Variants in SLC6A6 observed in about 807,000 individuals in gnomAD.
SLC6A6 encodes solute carrier family 6 member 6, also known as sodium- and chloride-dependent taurine transporter.
SLC6A6 carries 16 observed loss-of-function variants against 68.8 expected under a neutral mutation model. The observed-to-expected ratio is 0.23, with a 90% CI of 0.16 to 0.35. SLC6A6 has a LOEUF of 0.35. Among genes scored for constraint, SLC6A6 ranks in the 10% least tolerant of loss-of-function variants. The pLI is 1.00. For synonymous variants in SLC6A6, 312 were observed against 315.4 expected (o/e 0.99, Z 0.12); for missense variants, 474 against 802.8 (o/e 0.59, Z 4.95).
Position 14,478,528 on chromosome 3 carries a change from G to T in SLC6A6, c.1410G>T (p.Trp470Cys), listed in dbSNP as rs201130139. ...YYAASGVCLLWVAFFECFVIA... is the reference protein window; with the variant it reads ...YYAASGVCLLCVAFFECFVIA... ...CAGCTAGCGGTGTATGCCTTTTGTG[G>T]GTTGCATTCTTTGAATGTTTTGTTA... The change falls in exon 12 of 15, where the codon TGG becomes TGT. Residue 470 changes from tryptophan to cysteine, a missense_variant. By Grantham distance (215) the Trp-to-Cys change is radical (BLOSUM62 -2). Around this residue, in one of 2 missense-constraint regions of SLC6A6, gnomAD observed 194 missense variants for 269.8 expected, o/e 0.72. Transcript: ENST00000622186. 137 of 1,613,034 alleles carry T rather than the reference G, an allele frequency of 8.5e-5. No individual in the cohort carries two copies. Among genetic ancestry groups the T allele is most frequent in the Non-Finnish European group, 7.6e-6 (9 of 1,179,254 alleles).
intron 2 of SLC6A6, among the ~76,000 whole-genome samples, chr3:14,431,589 C>T (rs1162762629): frequency 6.6e-6 from 1 of 152,136 alleles, no homozygotes; most frequent in African/African-American, 2.4e-5. Context: ...GCTTCAGGAA[C>T]CCCTGGGGAT....
At chr3:14,476,463 A>G (rs1257962357) in intron 10 of SLC6A6, among the ~76,000 whole-genome samples, 1 of 152,234 alleles carries the variant, frequency 6.6e-6, no homozygotes, top group African/African-American at 2.4e-5. Flanking sequence ...TTTTCCAACC[A>G]GCTTCTTTTC....
At chr3:14,459,883 C>CTTTTTTT (rs869191764) in intron 6 of SLC6A6, among the ~76,000 whole-genome samples, 87 of 40,102 alleles carry the variant, frequency 2.2e-3, no homozygotes, top group Non-Finnish European at 3.1e-3. Context: ...TAATTCTCTT[C>CTTTTTTT]TTTTTTTTTT....
At chr3:14,403,810 C>T (rs922933778) in intron 1 of SLC6A6, among the ~76,000 whole-genome samples, 1 of 152,252 alleles carries the variant, frequency 6.6e-6, no homozygotes, top group Non-Finnish European at 1.5e-5. Context: ...CCAGGGACCT[C>T]CTCCTACAGC....
chr3:14,436,531 C>CTTTTTTTTTTTTTTTTTTTTTTTTTTTT (rs58996264), intron 2 of SLC6A6, among the ~76,000 whole-genome samples: 3 of 112,582 alleles, frequency 2.7e-5, no homozygotes, highest in Non-Finnish European at 3.7e-5. Flanking sequence ...CAACAACTCC[C>CTTTTTTTTTTTTTTTTTTTTTTTTTTTT]TTTTTTTTTT....
At chr3:14,430,089 G>C (rs1204527658) in intron 2 of SLC6A6, among the ~76,000 whole-genome samples, 4 of 152,192 alleles carry the variant, frequency 2.6e-5, no homozygotes, top group Non-Finnish European at 4.4e-5. Flanking sequence ...ACCAAGCACA[G>C]ACTTGAAAGG....
At chr3:14,424,071 C>G (rs1184294830) in intron 2 of SLC6A6, among the ~76,000 whole-genome samples, 1 of 152,160 alleles carries the variant, frequency 6.6e-6, no homozygotes, top group African/African-American at 2.4e-5. Context: ...CCTTTTCAAA[C>G]CCCTGCCAGC....
rs1214108422 is a variant in SLC6A6, at chr3:14,443,628, C to G, written c.-7C>G. 1.0e-5 allele frequency: 16 copies of G among 1,601,136 alleles called. No homozygotes were observed. Among genetic ancestry groups the G allele is most frequent in the Non-Finnish European group, 1.4e-5 (16 of 1,169,570 alleles). On this transcript the variant is annotated 5_prime_UTR_variant, in exon 3 of 15. Transcript: ENST00000622186. ...CTTCTCTTTTGTCCCCCATAGAAAG[C>G]AAGGAGATGGCCACCAAGGAGAAGC...
rs1559310058 is a variant in SLC6A6, at chr3:14,468,154, C to T, written c.1038C>T (p.Ser346=). ...TSFVSGFAIF[S]ILGFMAQEQG... is the part of the protein sequence containing the mutation. ...TTGTGTCTGGCTTCGCAATTTTTTC[C>T]ATCCTGGGCTTCATGGCACAAGAGC... Residue 346 remains serine (S), a synonymous_variant, in exon 9 of 15, where the codon TCC becomes TCT. Coordinates refer to ENST00000622186, the MANE Select transcript of SLC6A6 (RefSeq NM_003043.6). The surrounding 1 kb of genome is among the most constrained non-coding windows in gnomAD (Gnocchi z 4.5). 2 of 1,614,058 alleles carry T rather than the reference C, an allele frequency of 1.2e-6. No individual in the cohort carries two copies. The highest frequency in any genetic ancestry group is 1.7e-6 in the Non-Finnish European group (2 of 1,179,990).
intron 14 of SLC6A6, among the ~76,000 whole-genome samples, chr3:14,484,267 C>G (rs951355328): frequency 1.3e-5 from 2 of 152,190 alleles, no homozygotes; most frequent in African/African-American, 4.8e-5. Context: ...GCTCCTATCT[C>G]TTGGAAGGGC....
Position 14,472,836 on chromosome 3 carries a change from G to A in SLC6A6, c.1209+519G>A, listed in dbSNP as rs1367321765. 6.6e-6 allele frequency among the ~76,000 whole-genome samples: 1 copy of A among 152,246 alleles called. No individual in the cohort carries two copies. Among genetic ancestry groups the A allele is most frequent in the Non-Finnish European group, 1.5e-5 (1 of 68,040 alleles). ...CCAGGAGAAGCCTACGCCACACTCA[G>A]GATTCTGTGCTCCCTGGAGCGTGCG... On this transcript the variant is annotated intron_variant, in intron 10 of 14. Transcript: ENST00000622186. This position sits in a 1 kb window ranked among gnomAD's most constrained non-coding sequence, Gnocchi z 4.5.
At chr3:14,457,090 T>A (rs1017149229) in intron 5 of SLC6A6, among the ~76,000 whole-genome samples, 2 of 152,188 alleles carry the variant, frequency 1.3e-5, no homozygotes, top group Non-Finnish European at 2.9e-5. Context: ...TCCATAAGAA[T>A]GTCTGGGAGT....
intron 5 of SLC6A6, among the ~76,000 whole-genome samples, chr3:14,455,224 C>T (rs1372990700): frequency 2.6e-5 from 4 of 152,202 alleles, no homozygotes; most frequent in East Asian, 3.8e-4. Context: ...GAGAAGGAGG[C>T]GGAGGACTCA....
At position 14,472,606 on chromosome 3, in the gene SLC6A6, G is replaced by A. The variant is rs1397910591; in HGVS notation, c.1209+289G>A. Among the ~76,000 whole-genome samples the A allele has an allele frequency of 1.3e-5, 2 of 152,186 alleles. No homozygotes were observed. Among genetic ancestry groups the A allele is most frequent in the Non-Finnish European group, 2.9e-5 (2 of 68,042 alleles). ...CATCCAGAGGTTCTCGGAGTGGGTG[G>A]GTTATGACAGGGACAACCAGGGTTT... On this transcript the variant is annotated intron_variant, in intron 10 of 14. Transcript: ENST00000622186. The surrounding 1 kb of genome is among the most constrained non-coding windows in gnomAD (Gnocchi z 4.5).
rs575257780 is a variant in SLC6A6, at chr3:14,450,858, A to C, written c.599+3042A>C. On this transcript the variant is annotated intron_variant, in intron 5 of 14. Coordinates refer to ENST00000622186, the MANE Select transcript of SLC6A6 (RefSeq NM_003043.6). This position sits in a 1 kb window ranked among gnomAD's most constrained non-coding sequence, Gnocchi z 4.1. ...TAGGGAATAGTTGACTCCTGTGAGC[A>C]TAGTACTAGGAACTTGCCCCTGTCA... 3.9e-5 allele frequency among the ~76,000 whole-genome samples: 6 copies of C among 152,368 alleles called. No homozygotes were observed. The highest frequency in any genetic ancestry group is 7.3e-5 in the Non-Finnish European group (5 of 68,030).
chr3:14,474,121 C>G (rs956990808), intron 10 of SLC6A6, among the ~76,000 whole-genome samples: 1 of 152,162 alleles, frequency 6.6e-6, no homozygotes, highest in African/African-American at 2.4e-5. Context: ...GGGTAGAAAT[C>G]GAACCTAAGT....
At chr3:14,453,982 C>T (rs1700310481) in intron 5 of SLC6A6, among the ~76,000 whole-genome samples, 1 of 152,170 alleles carries the variant, frequency 6.6e-6, no homozygotes, top group African/African-American at 2.4e-5. Flanking sequence ...GAGGGTAGGG[C>T]TTGGGCGCCC....
intron 10 of SLC6A6, among the ~76,000 whole-genome samples, chr3:14,473,089 T>C (rs1037958224): frequency 2.4e-4 from 36 of 152,318 alleles, no homozygotes; most frequent in Non-Finnish European, 3.2e-4. Flanking sequence ...TGAGAGCCGA[T>C]GAGTGGCTGC....
In SLC6A6 at chr3:14,402,858, G is replaced by A. The variant is rs1210277770; in HGVS notation, c.-54+11G>A. The A allele has an allele frequency of 2.5e-6, 1 of 395,534 alleles. No homozygotes were observed. Among genetic ancestry groups the A allele is most frequent in the Non-Finnish European group, 4.5e-6 (1 of 224,076 alleles). 24.5% of individuals were successfully genotyped at this position (395,534 alleles called of 1,614,324 possible). A position where few individuals can be genotyped will look rare whatever the true frequency, so the allele number is the denominator to read the frequency against. ...CCGCAGCCACCCCAGGTACCGGAGG[G>A]ACCGGGAGCTGGGCGCGCAGCCGGC... On this transcript the variant is annotated intron_variant, in intron 1 of 14. Transcript: ENST00000622186. This position sits in a 1 kb window ranked among gnomAD's most constrained non-coding sequence, Gnocchi z 4.8.
Sources: allele counts gnomAD v4.1 joint callset (sites outside exome capture counted in the v4.1 genomes callset), GRCh38; gene constraint gnomAD v4.1.1; regional missense constraint gnomAD v4.1.1; non-coding constraint Gnocchi (gnomAD v3.1); transcripts MANE v1.5; gene names NCBI Gene and HGNC (gene_info 2026-07-23, HGNC 2026-07-21).